Variants in YEATS2 observed in about 807,000 individuals in gnomAD.
The protein encoded by YEATS2 is YEATS domain-containing protein 2.
YEATS2 carries 77 observed loss-of-function variants against 163.2 expected under a neutral mutation model. The ratio of observed to expected loss-of-function variants is 0.47; its 90% CI spans 0.39 to 0.57. The LOEUF is 0.57. Among genes scored for constraint, YEATS2 ranks in the 20% least tolerant of loss-of-function variants. YEATS2 has a pLI of 0.00. For missense variants in YEATS2, 1,549 were observed against 1,729.8 expected, an observed-to-expected ratio of 0.90 and a Z score of 1.85; for synonymous variants, 631 against 645.1, an observed-to-expected ratio of 0.98 and a Z score of 0.33.
chr3:183,743,393 G>A (rs918689615), intron 8 of YEATS2, among the ~76,000 whole-genome samples: 1 of 152,006 alleles, frequency 6.6e-6, no homozygotes, highest in Admixed American at 6.6e-5. Flanking sequence ...AGGCTAGAGT[G>A]TGGTGGCGTG....
At position 183,800,641 on chromosome 3, in the gene YEATS2, C is replaced by T. The variant is rs539540980; in HGVS notation, c.3428+73C>T. 7 of 1,264,126 alleles carry T rather than the reference C, an allele frequency of 5.5e-6. No individual in the cohort carries two copies. In the African/African-American group the frequency reaches 8.8e-5, roughly 16 times the overall value. The allele number at this position is 1,264,126 out of a possible 1,614,324, so 78.3% of individuals were successfully genotyped here. ...CACGCCTGTGACAGCTGAGTATGTG[C>T]AGAGTTGTGTGTGTGTAGCTCTAAG... On this transcript the variant is annotated intron_variant, in intron 24 of 30. Coordinates refer to ENST00000305135, the MANE Select transcript of YEATS2 (RefSeq NM_018023.5).
chr3:183,718,444 T>C, intron 3 of YEATS2, 56 bp from the exon 4 acceptor site: 2 of 1,352,134 alleles, frequency 1.5e-6, no homozygotes, highest in Non-Finnish European at 2.0e-6. Context: ...GAATTGTTTG[T>C]ACATCTCTTT....
At chr3:183,713,197 A>G (rs1030641276) in intron 1 of YEATS2, among the ~76,000 whole-genome samples, 1 of 152,232 alleles carries the variant, frequency 6.6e-6, no homozygotes, top group Non-Finnish European at 1.5e-5. Context: ...TGTTGGGGTG[A>G]TAATATTTTA....
chr3:183,778,025 T>G (rs777536961), intron 19 of YEATS2, among the ~76,000 whole-genome samples: 3 of 147,768 alleles, frequency 2.0e-5, no homozygotes, highest in Non-Finnish European at 4.4e-5. Flanking sequence ...GGCAGGAGAA[T>G]CGCTTGGACC....
chr3:183,809,034 A>C (rs1185105836), intron 29 of YEATS2, 63 bp from the exon 30 acceptor site: 35 of 1,561,236 alleles, frequency 2.2e-5, no homozygotes, highest in Non-Finnish European at 3.0e-5. Context: ...ATGGGGTTAA[A>C]TGTGTCCCTT....
chr3:183,761,816 T>G (rs550734859), intron 14 of YEATS2, among the ~76,000 whole-genome samples: 64 of 152,334 alleles, frequency 4.2e-4, no homozygotes, highest in African/African-American at 1.5e-3. Context: ...CACAGTGTGT[T>G]TGTTTCTCTC....
At chr3:183,810,262 C>T (rs1388941055) in intron 30 of YEATS2, 3 of 490,034 alleles carry the variant, frequency 6.1e-6, no homozygotes, top group Non-Finnish European at 1.1e-5. Flanking sequence ...AATCTTTTTT[C>T]CTAATTATTC....
At chr3:183,740,690 T>G (rs546928402) in intron 8 of YEATS2, among the ~76,000 whole-genome samples, 17 of 152,328 alleles carry the variant, frequency 1.1e-4, no homozygotes, top group Non-Finnish European at 2.1e-4. Context: ...GGATGCCGTC[T>G]CCATAACATA....
intron 26 of YEATS2, 193 bp from the exon 27 acceptor site, chr3:183,803,794 G>A: frequency 1.1e-5 from 7 of 613,626 alleles, no homozygotes; most frequent in South Asian, 1.0e-4. Flanking sequence ...CCTAGGAGTT[G>A]CTGTTTTATT....
At chr3:183,757,947 T>G (rs891906040) in intron 12 of YEATS2, among the ~76,000 whole-genome samples, 1 of 152,168 alleles carries the variant, frequency 6.6e-6, no homozygotes, top group Non-Finnish European at 1.5e-5. Context: ...TGGAGGCAAG[T>G]TTGGTAAATG....
intron 23 of YEATS2, 109 bp downstream of exon 23, chr3:183,799,098 T>C (rs2108510341): frequency 1.2e-6 from 1 of 817,396 alleles, no homozygotes; most frequent in Non-Finnish European, 2.0e-6. Context: ...TACCATAATC[T>C]GAATCTTTTG....
rs1333926334 is a variant in YEATS2, at chr3:183,697,971, G to C, written c.-42G>C. On this transcript the variant is annotated 5_prime_UTR_variant, in exon 1 of 31. Transcript: ENST00000305135. ...CGCGGCGGCCGGCGGGGCCCGCGCTGCAGCCGGAGACCCGGAGAAAGGGTG... is the reference window on the plus strand; with the variant it reads ...CGCGGCGGCCGGCGGGGCCCGCGCTCCAGCCGGAGACCCGGAGAAAGGGTG... The C allele has an allele frequency of 3.3e-5, 5 of 152,054 alleles. No homozygotes were observed. In the East Asian group the frequency reaches 9.7e-4, roughly 29 times the overall value. 9.4% of individuals were successfully genotyped at this position (152,054 alleles called of 1,614,324 possible).
chr3:183,701,899 C>G (rs1442054732), intron 1 of YEATS2, among the ~76,000 whole-genome samples: 1 of 152,176 alleles, frequency 6.6e-6, no homozygotes, highest in Non-Finnish European at 1.5e-5. Context: ...ACAGCTCACT[C>G]CTCAGACAAG....
intron 19 of YEATS2, among the ~76,000 whole-genome samples, chr3:183,778,027 G>A (rs1231014006): frequency 6.7e-6 from 1 of 150,098 alleles, no homozygotes; most frequent in Non-Finnish European, 1.5e-5. Context: ...CAGGAGAATC[G>A]CTTGGACCCG....
chr3:183,786,408 C>T, intron 20 of YEATS2, 107 bp downstream of exon 20: 2 of 1,091,254 alleles, frequency 1.8e-6, no homozygotes, highest in South Asian at 3.6e-5. Context: ...AAATACTCAA[C>T]TATTGCTTTT....
chr3:183,715,391 C>CT (rs778777625), intron 2 of YEATS2, 129 bp downstream of exon 2: 7 of 657,204 alleles, frequency 1.1e-5, no homozygotes, highest in Non-Finnish European at 1.8e-5. Flanking sequence ...GAGAGATTAG[C>CT]TAAGGGATCT....
At chr3:183,802,509 G>GTGTGTA (rs1364263826) in intron 25 of YEATS2, 6 of 66,776 alleles carry the variant, frequency 9.0e-5, no homozygotes, top group African/African-American at 2.7e-4. Flanking sequence ...GTGTGTGTGT[G>GTGTGTA]TATACATGTA....
chr3:183,758,897 G>T lies in YEATS2; in HGVS notation c.1588G>T (p.Val530Phe). The T allele has an allele frequency of 6.3e-7, 1 of 1,593,914 alleles. No individual in the cohort carries two copies. The highest frequency in any genetic ancestry group is 1.2e-5 in the South Asian group (1 of 85,990). ...AAACAAGATCTCCACGGCTTCTCAG[G>T]TCTCCCAAGGAACAGGTTCCCCTGT... ...PTNKISTASQ[V>F]SQGTGSPVPK... Residue 530 changes from valine (V) to phenylalanine (F), a missense_variant, in exon 13 of 31, where the codon GTC becomes TTC. By Grantham distance (50) the Val-to-Phe change is conservative (BLOSUM62 -1). Transcript: ENST00000305135.
intron 1 of YEATS2, among the ~76,000 whole-genome samples, chr3:183,708,531 A>G (rs1313465093): frequency 6.6e-6 from 1 of 151,954 alleles, no homozygotes; most frequent in Non-Finnish European, 1.5e-5. Flanking sequence ...TTTCTTTTCA[A>G]AATTATTTTT....
Sources: allele counts gnomAD v4.1 joint callset (sites outside exome capture counted in the v4.1 genomes callset), GRCh38; gene constraint gnomAD v4.1.1; transcripts MANE v1.5; gene names NCBI Gene and HGNC (gene_info 2026-07-23, HGNC 2026-07-21).